The following TPTE variants were observed in gnomAD, a reference collection of about 807,000 sequenced individuals.
The protein encoded by TPTE is transmembrane phosphatase with tensin homology.
In TPTE, 59 loss-of-function variants were observed where a neutral mutation model predicts 84.1. That is an observed-to-expected ratio of 0.70 (90% confidence interval 0.57 to 0.87). TPTE has a LOEUF of 0.87. Among genes scored for constraint, TPTE ranks in the 40% least tolerant of loss-of-function variants. The pLI is 0.00. For missense variants in TPTE, 382 were observed against 659.6 expected, an observed-to-expected ratio of 0.58 and a Z score of 4.61; for synonymous variants, 130 against 223.5, an observed-to-expected ratio of 0.58 and a Z score of 3.73.
intron 7 of TPTE, among the ~76,000 whole-genome samples, chr21:10,549,955 A>T (rs1466020996): frequency 6.6e-6 from 1 of 152,312 alleles, no homozygotes; most frequent in Non-Finnish European, 1.5e-5. Context: ...TCCCCATTAG[A>T]CTAACAGCTG....
chr21:10,526,560 A>G (rs1242259512), intron 2 of TPTE, among the ~76,000 whole-genome samples: 3 of 152,312 alleles, frequency 2.0e-5, no homozygotes, highest in African/African-American at 7.2e-5. Context: ...AATGTATGTG[A>G]TCAGTTTCTT....
At chr21:10,554,726 G>T (rs1317823703) in intron 8 of TPTE, among the ~76,000 whole-genome samples, 41 of 152,286 alleles carry the variant, frequency 2.7e-4, no homozygotes, top group Non-Finnish European at 4.6e-4. Flanking sequence ...CTCACCCCAA[G>T]ATTTTAAATA....
At chr21:10,562,342 CCCAGACA>C (rs2074825164) in intron 10 of TPTE, among the ~76,000 whole-genome samples, 2 of 152,308 alleles carry the variant, frequency 1.3e-5, no homozygotes, top group South Asian at 4.1e-4. Flanking sequence ...CTCTTCAATG[CCCAGACA>C]CCAAAGAACA....
intron 3 of TPTE, among the ~76,000 whole-genome samples, chr21:10,529,546 T>G (rs1158945236): frequency 6.6e-6 from 1 of 152,310 alleles, no homozygotes; most frequent in Non-Finnish European, 1.5e-5. Flanking sequence ...ACAACCTAAA[T>G]GCAAGCTCTT....
intron 13 of TPTE, 137 bp from the exon 14 acceptor site, chr21:10,570,348 A>G (rs2075016902): frequency 4.8e-6 from 7 of 1,444,668 alleles, no homozygotes; most frequent in Non-Finnish European, 6.6e-6. Context: ...CCTGAGTATT[A>G]GCTCTTTTCT....
chr21:10,579,935 G>C (rs1211367845), intron 17 of TPTE, among the ~76,000 whole-genome samples: 1 of 152,310 alleles, frequency 6.6e-6, no homozygotes. Context: ...AGAAATCTCA[G>C]TGCTGTTTTC....
intron 10 of TPTE, among the ~76,000 whole-genome samples, chr21:10,565,875 TAAATC>T (rs1240605707): frequency 2.0e-5 from 3 of 152,426 alleles, no homozygotes; most frequent in East Asian, 1.9e-4. Flanking sequence ...ATTAAAGACT[TAAATC>T]TAAGACCTCA....
At chr21:10,536,834 T>G (rs1319428521) in intron 3 of TPTE, among the ~76,000 whole-genome samples, 3 of 152,426 alleles carry the variant, frequency 2.0e-5, no homozygotes, top group Non-Finnish European at 2.9e-5. Context: ...GAAAGTCAGA[T>G]TTCCTGTGTA....
At chr21:10,522,974 A>T (rs548587416) in intron 1 of TPTE, among the ~76,000 whole-genome samples, 1 of 152,424 alleles carries the variant, frequency 6.6e-6, no homozygotes, top group African/African-American at 2.4e-5. Flanking sequence ...TGAGTCAATG[A>T]GTTATGCCCC....
At chr21:10,560,208 T>G (rs928726464) in intron 9 of TPTE, among the ~76,000 whole-genome samples, 3 of 152,306 alleles carry the variant, frequency 2.0e-5, no homozygotes, top group Non-Finnish European at 4.4e-5. Context: ...ATTAGTAAAG[T>G]GTTTTATTAG....
intron 9 of TPTE, among the ~76,000 whole-genome samples, chr21:10,560,324 A>C (rs1392940156): frequency 1.3e-5 from 2 of 152,308 alleles, no homozygotes; most frequent in African/African-American, 2.4e-5. Context: ...TATACGATAT[A>C]ATTGTTTCCT....
At chr21:10,544,278 T>C (rs1369054249) in intron 7 of TPTE, among the ~76,000 whole-genome samples, 3 of 152,310 alleles carry the variant, frequency 2.0e-5, no homozygotes, top group Non-Finnish European at 2.9e-5. Context: ...CATTAAGCAA[T>C]AGCATGTGAG....
chr21:10,605,328 T>A, intron 23 of TPTE, 89 bp from the exon 24 acceptor site: 1 of 1,495,394 alleles, frequency 6.7e-7, no homozygotes, highest in Non-Finnish European at 8.9e-7. Context: ...GTTCTTTTTT[T>A]GTTTCTTCCA....
chr21:10,531,630 T>G (rs553952744), intron 3 of TPTE, among the ~76,000 whole-genome samples: 1 of 152,428 alleles, frequency 6.6e-6, no homozygotes, highest in African/African-American at 2.4e-5. Flanking sequence ...CATATCAGTT[T>G]GAGACATTGA....
rs780797781 is a variant in TPTE, at chr21:10,603,660, A to G, written c.1520+28A>G. ...ATGAATATAATAGAAACCCATAGAA[A>G]CAGCCTAATCTTCAATGTCTATGTA... is the stretch of plus-strand genomic sequence containing the variant. On this transcript the variant is annotated intron_variant, in intron 23 of 23. Coordinates refer to ENST00000618007, the MANE Select transcript of TPTE (RefSeq NM_199261.4). 1,252 of 1,601,988 alleles carry G rather than the reference A, an allele frequency of 7.8e-4. No individual in the cohort carries two copies. In the Admixed American group the frequency reaches 0.017, roughly 22 times the overall value.
In TPTE at chr21:10,596,084, C is replaced by T. The variant is rs138794341; in HGVS notation, c.1273C>T (p.Pro425Ser). The T allele has an allele frequency of 4.4e-5, 71 of 1,613,908 alleles. No homozygotes were observed. The African/African-American group carries it at 8.0e-4, about 18-fold the overall frequency. Residue 425 changes from proline to serine, a missense_variant, in exon 20 of 24, where the codon CCT becomes TCT. Physicochemically the swap from Pro to Ser is moderately conservative, Grantham distance 74. Coordinates refer to ENST00000618007, the MANE Select transcript of TPTE (RefSeq NM_199261.4). ...FIKHFIIYSIPRYVRDLKIQI... is the reference protein window; with the variant it reads ...FIKHFIIYSISRYVRDLKIQI... ...AAAACACTTCATTATTTATTCGATT[C>T]CTCGTAAGTGCTTTATGTATAATTG...
At chr21:10,566,070 C>G (rs2074914918) in intron 10 of TPTE, among the ~76,000 whole-genome samples, 1 of 152,310 alleles carries the variant, frequency 6.6e-6, no homozygotes, top group Non-Finnish European at 1.5e-5. Context: ...AGTGAAGAGA[C>G]AGTCCACAGA....
intron 7 of TPTE, among the ~76,000 whole-genome samples, chr21:10,549,448 A>G (rs1305208492): frequency 6.6e-6 from 1 of 152,310 alleles, no homozygotes; most frequent in African/African-American, 2.4e-5. Flanking sequence ...ATACAGATAG[A>G]CAAGTCAATG....
intron 3 of TPTE, among the ~76,000 whole-genome samples, chr21:10,535,060 C>A (rs1215734955): frequency 6.6e-6 from 1 of 152,306 alleles, no homozygotes; most frequent in Non-Finnish European, 1.5e-5. Context: ...AAGGAAGAAT[C>A]TGTTTGATAC....
Sources: gnomAD v4.1 joint callset for allele counts (sites outside exome capture counted in the v4.1 genomes callset) on GRCh38, gnomAD v4.1.1 for gene constraint, MANE v1.5 for transcripts, NCBI Gene and HGNC (gene_info 2026-07-23, HGNC 2026-07-21) for gene names.